LAMC3: variants seen among roughly 807,000 people sequenced by gnomAD.
LAMC3 encodes laminin subunit gamma-3.
Under a neutral mutation model 173.8 loss-of-function variants are expected in LAMC3, and 128 were observed. The observed-to-expected ratio is 0.74, with a 90% CI of 0.64 to 0.85. The LOEUF (loss-of-function observed/expected upper bound fraction) is 0.85, where lower values mean the gene tolerates loss of function less well. Among genes scored for constraint, LAMC3 ranks in the 40% least tolerant of loss-of-function variants. The probability of loss-of-function intolerance (pLI) is 0.00; values close to 1 mark genes in which losing one functional copy is unlikely to be tolerated. For synonymous variants in LAMC3, 897 were observed against 909.1 expected, an observed-to-expected ratio of 0.99 and a Z score of 0.24; for missense variants, 2,022 against 2,156.0, an observed-to-expected ratio of 0.94 and a Z score of 1.23.
chr9:131,016,690 A>C (rs1036307291), intron 1 of LAMC3, among the ~76,000 whole-genome samples: 2 of 152,252 alleles, frequency 1.3e-5, no homozygotes, highest in African/African-American at 4.8e-5. Context: ...TGTAATACAC[A>C]GGGAGCGCTT....
At chr9:131,024,235 T>G (rs947831276) in intron 1 of LAMC3, among the ~76,000 whole-genome samples, 1 of 148,552 alleles carries the variant, frequency 6.7e-6, no homozygotes, top group Admixed American at 6.8e-5. Flanking sequence ...AAACTCCACC[T>G]CTTGGGTTCA....
At chr9:131,030,983 C>T (rs1215590589) in intron 2 of LAMC3, among the ~76,000 whole-genome samples, 5 of 152,272 alleles carry the variant, frequency 3.3e-5, no homozygotes, top group Non-Finnish European at 7.3e-5. Flanking sequence ...CAAACTCAAG[C>T]ACAAGCTTAG....
chr9:131,048,941 C>T, intron 8 of LAMC3, 79 bp from the exon 9 acceptor site: 3 of 813,614 alleles, frequency 3.7e-6, no homozygotes, highest in South Asian at 1.7e-5. Flanking sequence ...TACCCCAGGG[C>T]CCCCACCTGG....
chr9:131,012,811 C>T (rs1441686056), intron 1 of LAMC3, among the ~76,000 whole-genome samples: 5 of 152,180 alleles, frequency 3.3e-5, no homozygotes, highest in Non-Finnish European at 7.4e-5. Flanking sequence ...AGCTCTGGCC[C>T]GGGGTCTCCT....
intron 1 of LAMC3, among the ~76,000 whole-genome samples, chr9:131,023,092 G>A (rs887789368): frequency 3.3e-5 from 5 of 152,238 alleles, no homozygotes; most frequent in Non-Finnish European, 5.9e-5. Context: ...TTGTGGTTGC[G>A]TGTGTCAGCA....
chr9:131,010,604 C>T (rs904689984), intron 1 of LAMC3, among the ~76,000 whole-genome samples: 1 of 152,226 alleles, frequency 6.6e-6, no homozygotes, highest in Non-Finnish European at 1.5e-5. Flanking sequence ...TCAGTGGACC[C>T]CTGAAGCTGC....
At chr9:131,081,015 T>C (rs1830228708) in intron 23 of LAMC3, among the ~76,000 whole-genome samples, 2 of 152,242 alleles carry the variant, frequency 1.3e-5, no homozygotes, top group African/African-American at 2.4e-5. Context: ...TTTCAGAACA[T>C]TCTCACCACC....
At position 131,077,276 on chromosome 9, in the gene LAMC3, A is replaced by G; in HGVS notation, c.3719A>G (p.Gln1240Arg). ...PEAESVLATV[Q>R]QVGADTAPYL... ...GCGGAAAGCGTGTTGGCCACCGTGC[A>G]GCAAGTTGGCGCAGATACAGCCCCG... Residue 1240 changes from glutamine (Q) to arginine (R), a missense_variant, in exon 22 of 28, where the codon CAG becomes CGG. Coordinates refer to ENST00000361069, the MANE Select transcript of LAMC3 (RefSeq NM_006059.4). 2 of 1,614,120 alleles carry G rather than the reference A, an allele frequency of 1.2e-6. No individual in the cohort carries two copies. The highest frequency in any genetic ancestry group is 1.7e-6 in the Non-Finnish European group (2 of 1,180,032).
At chr9:131,033,026 T>C (rs1833873884) in intron 3 of LAMC3, among the ~76,000 whole-genome samples, 1 of 151,114 alleles carries the variant, frequency 6.6e-6, no homozygotes, top group Admixed American at 6.6e-5. Flanking sequence ...TGGCCCGTGG[T>C]CCTGGTCCTG....
At chr9:131,062,102 C>T (rs1318554922) in intron 13 of LAMC3, among the ~76,000 whole-genome samples, 1 of 152,034 alleles carries the variant, frequency 6.6e-6, no homozygotes, top group African/African-American at 2.4e-5. Flanking sequence ...GTGACTCATG[C>T]CTGTAATCCC....
chr9:131,088,485 G>C (rs1481850301), intron 27 of LAMC3, among the ~76,000 whole-genome samples: 1 of 152,194 alleles, frequency 6.6e-6, no homozygotes, highest in African/African-American at 2.4e-5. Flanking sequence ...AAGGCACGAA[G>C]GTTGCAGAGG....
At chr9:131,084,963 TG>T (rs1389649523) in intron 24 of LAMC3, among the ~76,000 whole-genome samples, 1 of 151,476 alleles carries the variant, frequency 6.6e-6, no homozygotes, top group African/African-American at 2.4e-5. Context: ...AAAAGAGAAT[TG>T]TAACATTTCC....
intron 13 of LAMC3, among the ~76,000 whole-genome samples, chr9:131,064,869 C>A (rs537316000): frequency 6.6e-6 from 1 of 151,646 alleles, no homozygotes; most frequent in African/African-American, 2.4e-5. Flanking sequence ...GACAAGAACC[C>A]GTCTCTAGTG....
At position 131,071,223 on chromosome 9, in the gene LAMC3, C is replaced by T. The variant is rs144640945; in HGVS notation, c.3070-261C>T. On this transcript the variant is annotated intron_variant, in intron 17 of 27. Coordinates refer to ENST00000361069, the MANE Select transcript of LAMC3 (RefSeq NM_006059.4). ...CGTGGGGCATCCCTCCCCATCCCTT[C>T]CTCCCCACCTTCCGAGGTAGGACAG... is the stretch of plus-strand genomic sequence containing the variant. Among the ~76,000 whole-genome samples the T allele has an allele frequency of 0.012, 1,886 of 152,308 alleles. 20 individuals are homozygous for T. Among genetic ancestry groups the T allele is most frequent in the Middle Eastern group, 0.02 (6 of 294 alleles).
At chr9:131,022,215 AACACACACAC>A (rs56948132) in intron 1 of LAMC3, among the ~76,000 whole-genome samples, 2 of 144,662 alleles carry the variant, frequency 1.4e-5, no homozygotes, top group Non-Finnish European at 3.0e-5. Context: ...TGTGGATGAA[AACACACACAC>A]ACACACACAC....
At chr9:131,025,108 C>T (rs955264731) in intron 1 of LAMC3, among the ~76,000 whole-genome samples, 1 of 152,142 alleles carries the variant, frequency 6.6e-6, no homozygotes, top group Non-Finnish European at 1.5e-5. Flanking sequence ...AAGCCAGATA[C>T]TTCCCAGCTC....
At chr9:131,050,769 A>C (rs901283571) in intron 9 of LAMC3, among the ~76,000 whole-genome samples, 5 of 54,338 alleles carry the variant, frequency 9.2e-5, no homozygotes, top group Non-Finnish European at 1.8e-4. Context: ...CTCCATCTCC[A>C]AAAAAAGGAA....
In LAMC3 at chr9:131,045,658, A is replaced by G; in HGVS notation, c.1517A>G (p.Gln506Arg). The change falls in exon 8 of 28, where the codon CAG becomes CGG. Residue 506 changes from glutamine (Q) to arginine (R), a missense_variant and splice_region_variant. Physicochemically the swap from Gln to Arg is conservative, Grantham distance 43. Coordinates refer to ENST00000361069, the MANE Select transcript of LAMC3 (RefSeq NM_006059.4). ...QVHHILSDFH[Q>R]GAEGWWARSV... The stretch of plus-strand genomic sequence containing the variant: ...CATCACATCCTCAGCGATTTCCACC[A>G]GGGTAAGAGATGCTCCCTGCAAACG... 1 of 1,614,152 alleles carries G rather than the reference A, an allele frequency of 6.2e-7. No homozygotes were observed. Among genetic ancestry groups the G allele is most frequent in the Non-Finnish European group, 8.5e-7 (1 of 1,180,042 alleles).
At chr9:131,048,046 G>GC (rs1453278801) in intron 8 of LAMC3, among the ~76,000 whole-genome samples, 1 of 92,450 alleles carries the variant, frequency 1.1e-5, no homozygotes, top group African/African-American at 4.8e-5. Context: ...ACACCCAGCT[G>GC]ATTTTTTTTT....
Sources: allele counts gnomAD v4.1 joint callset (sites outside exome capture counted in the v4.1 genomes callset), GRCh38; gene constraint gnomAD v4.1.1; transcripts MANE v1.5; gene names NCBI Gene and HGNC (gene_info 2026-07-23, HGNC 2026-07-21).